The following IGF2BP3 variants were observed in gnomAD, a reference collection of about 807,000 sequenced individuals.
IGF2BP3 encodes insulin-like growth factor 2 mRNA-binding protein 3.
A neutral mutation model predicts 73.8 loss-of-function variants in IGF2BP3; 9 were observed. That is an observed-to-expected ratio of 0.12 (90% confidence interval 0.07 to 0.21). IGF2BP3 has a LOEUF of 0.21. Ranked by LOEUF, IGF2BP3 falls within the 10% of genes least tolerant of loss-of-function variation. The pLI is 1.00. For missense variants in IGF2BP3, 542 were observed against 714.0 expected (o/e 0.76, Z 2.75); for synonymous variants, 258 against 256.7 (o/e 1.01, Z -0.05).
intron 3 of IGF2BP3, among the ~76,000 whole-genome samples, chr7:23,406,075 A>G (rs1786820492): frequency 6.6e-6 from 1 of 152,078 alleles, no homozygotes; most frequent in African/African-American, 2.4e-5. Flanking sequence ...ATTAAAAAAA[A>G]AAAAAAAGAA....
chr7:23,345,026 T>G (rs1400851779), intron 8 of IGF2BP3, among the ~76,000 whole-genome samples: 2 of 152,254 alleles, frequency 1.3e-5, no homozygotes. Flanking sequence ...ATTTACCACT[T>G]TGTGGGGTTT....
intron 10 of IGF2BP3, among the ~76,000 whole-genome samples, chr7:23,334,468 A>G (rs1456767517): frequency 6.6e-6 from 1 of 152,264 alleles, no homozygotes; most frequent in Non-Finnish European, 1.5e-5. Flanking sequence ...AAAAGTTATA[A>G]GCCTTTTTCA....
At position 23,351,291 on chromosome 7, in the gene IGF2BP3, CT is replaced by C. The variant is rs1399265984; in HGVS notation, c.683+13del. The C allele has an allele frequency of 1.2e-6, 2 of 1,612,718 alleles. No homozygotes were observed. Among genetic ancestry groups the C allele is most frequent in the Non-Finnish European group, 1.7e-6 (2 of 1,179,462 alleles). ...AATTCTCATGAACACCCACCACACA[CT>C]CAGCATACTCACTTAGACTGGGTCT... On this transcript the variant is annotated intron_variant, in intron 6 of 14. Transcript: ENST00000258729.
intron 7 of IGF2BP3, among the ~76,000 whole-genome samples, chr7:23,347,349 A>C (rs1260254000): frequency 6.6e-6 from 1 of 152,132 alleles, no homozygotes; most frequent in Non-Finnish European, 1.5e-5. Context: ...TAGGTTCCCC[A>C]AGTTGCCTTC....
intron 7 of IGF2BP3, among the ~76,000 whole-genome samples, chr7:23,346,697 A>G (rs1201282650): frequency 6.6e-6 from 1 of 150,912 alleles, no homozygotes; most frequent in African/African-American, 2.4e-5. Flanking sequence ...GGTTCAAGCC[A>G]TTCTCCTGCC....
At chr7:23,354,669 T>G (rs996128862) in intron 5 of IGF2BP3, among the ~76,000 whole-genome samples, 8 of 152,226 alleles carry the variant, frequency 5.3e-5, no homozygotes, top group African/African-American at 1.9e-4. Context: ...TAACTTTTAT[T>G]GTGCTGCTTT....
chr7:23,363,711 T>C (rs942454774), intron 3 of IGF2BP3, among the ~76,000 whole-genome samples: 9 of 152,246 alleles, frequency 5.9e-5, no homozygotes, highest in Non-Finnish European at 8.8e-5. Context: ...TGATTATAGC[T>C]ATTCTTAAAT....
chr7:23,414,884 A>T (rs763696324), intron 3 of IGF2BP3: 1 of 177,232 alleles, frequency 5.6e-6, no homozygotes, highest in Non-Finnish European at 1.2e-5. Context: ...CCACATCCGC[A>T]GGTCCCTGTC....
chr7:23,454,536 C>T (rs1300489270), intron 2 of IGF2BP3, among the ~76,000 whole-genome samples: 2 of 152,168 alleles, frequency 1.3e-5, no homozygotes, highest in African/African-American at 4.8e-5. Flanking sequence ...CCAGATAATC[C>T]AAGAAGTCCT....
At chr7:23,446,829 A>G (rs1788077153) in intron 2 of IGF2BP3, among the ~76,000 whole-genome samples, 1 of 152,158 alleles carries the variant, frequency 6.6e-6, no homozygotes, top group South Asian at 2.1e-4. Context: ...CCACTACTGA[A>G]ACAAAAATCA....
intron 2 of IGF2BP3, among the ~76,000 whole-genome samples, chr7:23,452,162 G>A (rs892829277): frequency 7.3e-5 from 11 of 151,606 alleles, no homozygotes; most frequent in Admixed American, 2.0e-4. Context: ...CCGCCACCAC[G>A]CCCAGCTAAT....
At chr7:23,406,556 G>A (rs951076769) in intron 3 of IGF2BP3, among the ~76,000 whole-genome samples, 2 of 152,104 alleles carry the variant, frequency 1.3e-5, no homozygotes, top group Non-Finnish European at 2.9e-5. Flanking sequence ...GCAGACCTTT[G>A]CAGTGAGTGT....
intron 9 of IGF2BP3, 59 bp from the exon 10 acceptor site, chr7:23,342,248 A>G (rs1784732277): frequency 1.8e-5 from 29 of 1,580,820 alleles, no homozygotes; most frequent in Middle Eastern, 1.7e-4. Context: ...GAAAGTGAGC[A>G]TTTTTAAGTG....
At chr7:23,417,492 G>A (rs1019626053) in intron 3 of IGF2BP3, among the ~76,000 whole-genome samples, 3 of 152,136 alleles carry the variant, frequency 2.0e-5, no homozygotes, top group African/African-American at 7.2e-5. Context: ...CTCTAAATTT[G>A]AAGAGATTAT....
At chr7:23,441,359 G>A (rs1787928286) in intron 2 of IGF2BP3, among the ~76,000 whole-genome samples, 2 of 151,990 alleles carry the variant, frequency 1.3e-5, no homozygotes, top group South Asian at 2.1e-4. Flanking sequence ...CGGATCATGA[G>A]GTCAAGAGAT....
chr7:23,452,359 A>G (rs145480410), intron 2 of IGF2BP3, among the ~76,000 whole-genome samples: 1 of 152,320 alleles, frequency 6.6e-6, no homozygotes, highest in East Asian at 1.9e-4. Flanking sequence ...ATTTTTAACT[A>G]TTAAACAATA....
At chr7:23,387,570 G>A (rs2128519813) in intron 3 of IGF2BP3, among the ~76,000 whole-genome samples, 1 of 152,222 alleles carries the variant, frequency 6.6e-6, no homozygotes, top group East Asian at 1.9e-4. Flanking sequence ...CTGGGTCTAG[G>A]GTGTGTGGGA....
At chr7:23,358,863 A>C (rs1485897642) in intron 5 of IGF2BP3, among the ~76,000 whole-genome samples, 1 of 152,210 alleles carries the variant, frequency 6.6e-6, no homozygotes, top group Non-Finnish European at 1.5e-5. Context: ...TTGCAGAGGG[A>C]GTGAGAACAA....
At chr7:23,382,422 G>A (rs1785942004) in intron 3 of IGF2BP3, among the ~76,000 whole-genome samples, 1 of 151,502 alleles carries the variant, frequency 6.6e-6, no homozygotes, top group African/African-American at 2.4e-5. Context: ...AAGTTTCCTA[G>A]GATTTCAACT....
Sources: gnomAD v4.1 joint callset for allele counts (sites outside exome capture counted in the v4.1 genomes callset) on GRCh38, gnomAD v4.1.1 for gene constraint, MANE v1.5 for transcripts, NCBI Gene and HGNC (gene_info 2026-07-23, HGNC 2026-07-21) for gene names.